Variants in TPD52 observed in about 807,000 individuals in gnomAD.
TPD52 encodes the protein tumor protein D52, also known as prostate and colon associated protein.
In TPD52, 17 loss-of-function variants were observed where a neutral mutation model predicts 31.3. The observed-to-expected ratio is 0.54, with a 90% CI of 0.37 to 0.82. TPD52 has a LOEUF of 0.82. Among genes scored for constraint, TPD52 ranks in the 40% least tolerant of loss-of-function variants. The pLI is 0.00. For synonymous variants in TPD52, 83 were observed against 89.6 expected, an observed-to-expected ratio of 0.93 and a Z score of 0.42; for missense variants, 212 against 240.1, an observed-to-expected ratio of 0.88 and a Z score of 0.77.
chr8:80,124,475 G>C (rs1031853749), intron 1 of TPD52, among the ~76,000 whole-genome samples: 5 of 152,144 alleles, frequency 3.3e-5, no homozygotes, highest in African/African-American at 9.7e-5. Context: ...GCCCAGCCTG[G>C]CAAGTTTCAT....
At chr8:80,107,719 T>C (rs1315455504) in intron 1 of TPD52, among the ~76,000 whole-genome samples, 1 of 152,098 alleles carries the variant, frequency 6.6e-6, no homozygotes, top group Non-Finnish European at 1.5e-5. Context: ...TTTCTAAAAC[T>C]CTCAGAAATG....
Position 80,074,975 on chromosome 8 carries a change from ATTTTTTATTT to A in TPD52, c.20-10392_20-10383del, listed in dbSNP as rs558928389. On this transcript the variant is annotated intron_variant, in intron 1 of 7. Coordinates refer to ENST00000518937, the MANE Select transcript of TPD52 (RefSeq NM_001025253.3). ...AGCGTAAGGGGACAATGTCTGGGTTATTTTTTATTTTTTTTTATTTTTTGAGATGGAGTCT... is the reference window on the plus strand; with the variant it reads ...AGCGTAAGGGGACAATGTCTGGGTTATTTTTTATTTTTTGAGATGGAGTCT... Among the ~76,000 whole-genome samples, 8 of 152,036 alleles carry A rather than the reference ATTTTTTATTT, an allele frequency of 5.3e-5. No homozygotes were observed. The East Asian group carries it at 1.5e-3, about 29-fold the overall frequency.
At chr8:80,157,739 G>A (rs1220550810) in intron 1 of TPD52, among the ~76,000 whole-genome samples, 2 of 152,074 alleles carry the variant, frequency 1.3e-5, no homozygotes, top group Non-Finnish European at 2.9e-5. Context: ...CTGCTTCTCT[G>A]GCTATCATAC....
intron 1 of TPD52, among the ~76,000 whole-genome samples, chr8:80,112,978 G>A (rs1807605394): frequency 6.6e-6 from 1 of 152,162 alleles, no homozygotes; most frequent in Non-Finnish European, 1.5e-5. Context: ...CATATAGCCT[G>A]AAGGTAAACT....
intron 1 of TPD52, among the ~76,000 whole-genome samples, chr8:80,095,824 C>T (rs542850602): frequency 3.9e-5 from 6 of 152,226 alleles, no homozygotes; most frequent in East Asian, 1.9e-4. Flanking sequence ...GGCATGCGCC[C>T]GTGGTCCCAG....
Position 80,064,496 on chromosome 8 carries a change from T to C in TPD52, c.117A>G (p.Leu39=). 2 of 1,614,074 alleles carry C rather than the reference T, an allele frequency of 1.2e-6. No homozygotes were observed. The highest frequency in any genetic ancestry group is 1.7e-6 in the Non-Finnish European group (2 of 1,179,932). The change falls in exon 2 of 8, where the codon CTA becomes CTG. Residue 39 remains leucine (L), a synonymous_variant. Coordinates refer to ENST00000518937, the MANE Select transcript of TPD52 (RefSeq NM_001025253.3). The part of the protein sequence containing the change: ...ETLSEEEQEE[L]RRELAKVEEE... Reference sequence around the variant, plus strand: ...TCTTTACCTTTGCAAGTTCTCTTCTTAGCTCTTCCTGCTCCTCTTCCGAGA... The same window carrying C: ...TCTTTACCTTTGCAAGTTCTCTTCTCAGCTCTTCCTGCTCCTCTTCCGAGA...
At chr8:80,143,988 T>C (rs1394734499) in intron 1 of TPD52, among the ~76,000 whole-genome samples, 3 of 152,176 alleles carry the variant, frequency 2.0e-5, no homozygotes, top group Non-Finnish European at 4.4e-5. Flanking sequence ...GTGAAATCCA[T>C]GTAAAATACT....
chr8:80,093,556 T>TA (rs1816454473), intron 1 of TPD52, among the ~76,000 whole-genome samples: 2 of 152,194 alleles, frequency 1.3e-5, no homozygotes, highest in African/African-American at 2.4e-5. Flanking sequence ...GGCACTTATT[T>TA]AAAATTAATA....
At position 80,071,127 on chromosome 8, in the gene TPD52, C is replaced by T. The variant is rs1481585955; in HGVS notation, c.20-6534G>A. Among the ~76,000 whole-genome samples, 6 of 152,266 alleles carry T rather than the reference C, an allele frequency of 3.9e-5. No individual in the cohort carries two copies. In the South Asian group the frequency reaches 6.2e-4, roughly 16 times the overall value. ...GGCAGCAAGGATTCATTGCCCTGCACGTTTCACAGGGAGCAAGACCCTGCC... is the reference window on the plus strand; with the variant it reads ...GGCAGCAAGGATTCATTGCCCTGCATGTTTCACAGGGAGCAAGACCCTGCC... On this transcript the variant is annotated intron_variant, in intron 1 of 7. Transcript: ENST00000518937.
chr8:80,161,104 CT>C (rs1189803071), intron 1 of TPD52, among the ~76,000 whole-genome samples: 1 of 152,022 alleles, frequency 6.6e-6, no homozygotes, highest in Non-Finnish European at 1.5e-5. Context: ...AAATAACTAA[CT>C]TCAATAGAAC....
intron 1 of TPD52, among the ~76,000 whole-genome samples, chr8:80,152,780 C>CAAAAAA (rs57456374): frequency 6.0e-5 from 5 of 83,542 alleles, no homozygotes; most frequent in African/African-American, 1.5e-4. Context: ...GACTCCGTCT[C>CAAAAAA]AAAAAAAAAA....
At chr8:80,084,236 G>A (rs1401926029) in intron 1 of TPD52, among the ~76,000 whole-genome samples, 2 of 152,204 alleles carry the variant, frequency 1.3e-5, no homozygotes, top group Non-Finnish European at 2.9e-5. Context: ...GGGGTTCTCA[G>A]TGGGGAGAGA....
At position 80,112,732 on chromosome 8, in the gene TPD52, G is replaced by A. The variant is rs893157717; in HGVS notation, c.20-48139C>T. 2.6e-5 allele frequency among the ~76,000 whole-genome samples: 4 copies of A among 152,070 alleles called. 1 individual carries two copies. The highest frequency in any genetic ancestry group is 5.9e-5 in the Non-Finnish European group (4 of 68,028). On this transcript the variant is annotated intron_variant, in intron 1 of 7. Coordinates refer to ENST00000518937, the MANE Select transcript of TPD52 (RefSeq NM_001025253.3). ...ATCTTCAGTGGTTTTCTTGCCTCCA[G>A]ACTCTTCATCAGCAACCCCCCAACC...
intron 1 of TPD52, among the ~76,000 whole-genome samples, chr8:80,121,950 T>A (rs1328602689): frequency 1.1e-5 from 1 of 94,546 alleles, no homozygotes; most frequent in Non-Finnish European, 1.9e-5. Flanking sequence ...AATAAAGAAA[T>A]TATGTTTATC....
At chr8:80,042,492 G>T in intron 7 of TPD52, 128 bp downstream of exon 7, 1 of 1,458,734 alleles carries the variant, frequency 6.9e-7, no homozygotes, top group Non-Finnish European at 9.0e-7. Context: ...GTAACATAAG[G>T]AGTAAAGTTA....
chr8:80,081,156 CTTTT>C lies in TPD52; in HGVS notation c.20-16567_20-16564del, dbSNP rs5892705. Among the ~76,000 whole-genome samples the C allele has an allele frequency of 6.5e-4, 71 of 109,374 alleles. No individual in the cohort carries two copies. The South Asian group carries it at 0.011, about 17-fold the overall frequency. 71.8% of individuals were successfully genotyped at this position (109,374 alleles called of 152,430 possible). ...TCAGACTGACTTTTCTTTTCTCTCT[CTTTT>C]TTTTTTTTTTTTTTTTTTTAGAAAG... is the stretch of plus-strand genomic sequence containing the variant. On this transcript the variant is annotated intron_variant, in intron 1 of 7. Coordinates refer to ENST00000518937, the MANE Select transcript of TPD52 (RefSeq NM_001025253.3).
At chr8:80,068,697 C>T (rs1813429009) in intron 1 of TPD52, among the ~76,000 whole-genome samples, 1 of 152,126 alleles carries the variant, frequency 6.6e-6, no homozygotes, top group Non-Finnish European at 1.5e-5. Context: ...GGTGGCCTCC[C>T]CTGGGAAGGG....
intron 1 of TPD52, among the ~76,000 whole-genome samples, chr8:80,163,958 C>T (rs919741795): frequency 6.8e-6 from 1 of 147,454 alleles, no homozygotes; most frequent in Non-Finnish European, 1.5e-5. Context: ...TACAGTATAA[C>T]CCTAATGAAC....
chr8:80,164,834 G>GATC (rs1211327925), intron 1 of TPD52, among the ~76,000 whole-genome samples: 1 of 130,158 alleles, frequency 7.7e-6, no homozygotes, highest in Non-Finnish European at 1.5e-5. Flanking sequence ...AGTGAGCAGA[G>GATC]ATCATGCCAC....
Sources: allele counts gnomAD v4.1 joint callset (sites outside exome capture counted in the v4.1 genomes callset), GRCh38; gene constraint gnomAD v4.1.1; transcripts MANE v1.5; gene names NCBI Gene and HGNC (gene_info 2026-07-23, HGNC 2026-07-21).